The following LYRM4 variants were observed in gnomAD, a reference collection of about 807,000 sequenced individuals.
The protein encoded by LYRM4 is LYR motif containing 4.
LYRM4 carries 9 observed loss-of-function variants against 11.7 expected under a neutral mutation model. That is an observed-to-expected ratio of 0.77 (90% CI 0.46 to 1.34). The LOEUF (loss-of-function observed/expected upper bound fraction) is 1.34. LYRM4 is among the 40% of genes most tolerant of loss of function. The pLI is 0.00. For synonymous variants in LYRM4, 42 were observed against 40.4 expected (o/e 1.04, Z -0.15); for missense variants, 133 against 112.5 (o/e 1.18, Z -0.82).
chr6:5,233,972 G>A (rs1763389751), intron 1 of LYRM4, among the ~76,000 whole-genome samples: 1 of 152,194 alleles, frequency 6.6e-6, no homozygotes, highest in South Asian at 2.1e-4. Context: ...CTGTCACAAT[G>A]CAGTTCTACA....
At chr6:5,185,542 C>T (rs1335215075) in intron 2 of LYRM4, among the ~76,000 whole-genome samples, 1 of 152,120 alleles carries the variant, frequency 6.6e-6, no homozygotes, top group Non-Finnish European at 1.5e-5. Context: ...ACACCTGACA[C>T]CAAGTGGGCA....
At chr6:5,228,237 A>G (rs1763011544) in intron 1 of LYRM4, among the ~76,000 whole-genome samples, 1 of 152,210 alleles carries the variant, frequency 6.6e-6, no homozygotes, top group African/African-American at 2.4e-5. Context: ...AGTCATAAAT[A>G]ATAATTGGAC....
Position 5,161,220 on chromosome 6 carries a change from G to T in LYRM4, c.208-51729C>A, listed in dbSNP as rs116508512. On this transcript the variant is annotated intron_variant, in intron 2 of 2. Transcript: ENST00000330636. ...ACTAGTGAATGAAAAACTATGTTAA[G>T]AATTAGAACCAGGTTGGAGGTTGTA... 7.6e-3 allele frequency among the ~76,000 whole-genome samples: 1,153 copies of T among 152,224 alleles called. 12 individuals carry two copies. Among genetic ancestry groups the T allele is most frequent in the South Asian group, 0.043 (208 of 4,822 alleles).
intron 2 of LYRM4, among the ~76,000 whole-genome samples, chr6:5,118,696 A>G (rs1220764120): frequency 6.6e-6 from 1 of 152,130 alleles, no homozygotes; most frequent in Non-Finnish European, 1.5e-5. Context: ...CATGCTTTTT[A>G]TATTTCCCAA....
chr6:5,126,640 T>C (rs190488427), intron 2 of LYRM4, among the ~76,000 whole-genome samples: 1 of 152,322 alleles, frequency 6.6e-6, no homozygotes, highest in East Asian at 1.9e-4. Context: ...AATGGAATAT[T>C]ATTTAGCCTC....
At chr6:5,203,012 A>G (rs1016892313) in intron 2 of LYRM4, among the ~76,000 whole-genome samples, 1 of 152,170 alleles carries the variant, frequency 6.6e-6, no homozygotes, top group Non-Finnish European at 1.5e-5. Context: ...AATAAACCAA[A>G]AAGTCACATA....
At chr6:5,256,276 G>C (rs914307791) in intron 1 of LYRM4, among the ~76,000 whole-genome samples, 1 of 151,846 alleles carries the variant, frequency 6.6e-6, no homozygotes, top group African/African-American at 2.4e-5. Context: ...GATCACCTTA[G>C]GTCAGGAGTT....
intron 1 of LYRM4, among the ~76,000 whole-genome samples, chr6:5,227,951 G>A (rs954271882): frequency 1.3e-5 from 2 of 152,160 alleles, no homozygotes; most frequent in African/African-American, 4.8e-5. Context: ...CATGGACACA[G>A]GGAGGGGAAC....
intron 2 of LYRM4, among the ~76,000 whole-genome samples, chr6:5,112,296 G>A (rs183977647): frequency 1.3e-5 from 2 of 152,220 alleles, no homozygotes; most frequent in Non-Finnish European, 2.9e-5. Flanking sequence ...GGCAGGACTG[G>A]TGAACACTGC....
chr6:5,058,051 C>T, the LYRM4 span, among the ~76,000 whole-genome samples: 1 of 152,182 alleles, frequency 6.6e-6, no homozygotes, highest in Non-Finnish European at 1.5e-5. Context: ...CACACCCTGC[C>T]TCTATTCAGT....
intron 1 of LYRM4, among the ~76,000 whole-genome samples, chr6:5,220,163 T>C (rs34024877): frequency 0.049 from 7,471 of 152,298 alleles, 599 homozygotes; most frequent in African/African-American, 0.16. Flanking sequence ...TCTGAGATTC[T>C]TCCACTCAAA....
In LYRM4 at chr6:5,181,327, C is replaced by A. The variant is rs73363037; in HGVS notation, c.207+35291G>T. Among the ~76,000 whole-genome samples the A allele has an allele frequency of 4.3e-3, 661 of 152,266 alleles. 13 individuals are homozygous for A. The highest frequency in any genetic ancestry group is 0.015 in the African/African-American group (629 of 41,554). On this transcript the variant is annotated intron_variant, in intron 2 of 2. Coordinates refer to ENST00000330636, the MANE Select transcript of LYRM4 (RefSeq NM_020408.6). Reference sequence around the variant, plus strand: ...TGTATCGAGGACTCACGTAGGAAACCCTACTTTCCCCTCATTGCCCTGGGA... The same window carrying A: ...TGTATCGAGGACTCACGTAGGAAACACTACTTTCCCCTCATTGCCCTGGGA...
At chr6:5,057,181 C>G in the LYRM4 span, among the ~76,000 whole-genome samples, 1 of 152,184 alleles carries the variant, frequency 6.6e-6, no homozygotes, top group African/African-American at 2.4e-5. Flanking sequence ...AACCTCTCAA[C>G]CCAACCCCCC....
chr6:5,162,082 C>T (rs1394036866), intron 2 of LYRM4, among the ~76,000 whole-genome samples: 1 of 152,172 alleles, frequency 6.6e-6, no homozygotes, highest in Admixed American at 6.5e-5. Flanking sequence ...TGTAGCCTAA[C>T]AGGGTTGCTC....
At chr6:5,178,551 C>T (rs569367472) in intron 2 of LYRM4, among the ~76,000 whole-genome samples, 13 of 150,942 alleles carry the variant, frequency 8.6e-5, no homozygotes, top group Non-Finnish European at 1.5e-4. Context: ...CAGTGGCTCA[C>T]ACCTGTAATC....
chr6:5,230,091 G>A (rs1348470001), intron 1 of LYRM4, among the ~76,000 whole-genome samples: 1 of 152,228 alleles, frequency 6.6e-6, no homozygotes, highest in Non-Finnish European at 1.5e-5. Context: ...TAGGCATGCA[G>A]ATCAAGCAGC....
At chr6:5,181,307 C>T (rs1292769524) in intron 2 of LYRM4, among the ~76,000 whole-genome samples, 1 of 152,140 alleles carries the variant, frequency 6.6e-6, no homozygotes, top group Non-Finnish European at 1.5e-5. Context: ...CACGATGTAT[C>T]GAGGACTCAC....
intron 2 of LYRM4, among the ~76,000 whole-genome samples, chr6:5,165,509 T>C (rs1759026114): frequency 6.6e-6 from 1 of 151,934 alleles, no homozygotes; most frequent in African/African-American, 2.4e-5. Flanking sequence ...CCCAAGAAAC[T>C]TGTAACAAAT....
chr6:5,236,446 CAG>C (rs1763548984), intron 1 of LYRM4: 2 of 149,638 alleles, frequency 1.3e-5, no homozygotes, highest in Non-Finnish European at 3.0e-5. Flanking sequence ...GCCTGGGCGA[CAG>C]AGTGAGACTC....
Sources: allele counts gnomAD v4.1 joint callset (sites outside exome capture counted in the v4.1 genomes callset), GRCh38; gene constraint gnomAD v4.1.1; transcripts MANE v1.5; gene names NCBI Gene and HGNC (gene_info 2026-07-23, HGNC 2026-07-21).